The following ATP10A variants were observed in gnomAD, a reference collection of about 807,000 sequenced individuals.
The protein encoded by ATP10A is ATPase phospholipid transporting 10A (putative).
A neutral mutation model predicts 147.8 loss-of-function variants in ATP10A; 111 were observed. The ratio of observed to expected loss-of-function variants is 0.75; its 90% CI spans 0.64 to 0.88. ATP10A has a LOEUF of 0.88. ATP10A is among the 40% of genes least tolerant of loss of function. The pLI is 0.00. For synonymous variants in ATP10A, 875 were observed against 841.6 expected (o/e 1.04, Z -0.69); for missense variants, 1,927 against 1,959.0 (o/e 0.98, Z 0.31).
chr15:25,864,851 C>T (rs1468853707), upstream of ATP10A, among the ~76,000 whole-genome samples: 4 of 152,170 alleles, frequency 2.6e-5, no homozygotes, highest in Non-Finnish European at 4.4e-5. Context: ...ACCTGGTGAC[C>T]CCCGAGGCCT....
At chr15:25,695,289 C>A in intron 13 of ATP10A, 143 bp from the exon 14 acceptor site, 1 of 755,100 alleles carries the variant, frequency 1.3e-6, no homozygotes, top group Non-Finnish European at 2.1e-6. Flanking sequence ...CCTCCAGAAA[C>A]TGTGAAGTTC....
At chr15:25,754,728 T>C (rs1334318973) in intron 2 of ATP10A, among the ~76,000 whole-genome samples, 4 of 152,182 alleles carry the variant, frequency 2.6e-5, no homozygotes, top group African/African-American at 9.7e-5. Flanking sequence ...GCCTTTTTCA[T>C]GTATATTTGG....
intron 1 of ATP10A, among the ~76,000 whole-genome samples, chr15:25,787,052 C>T (rs898889886): frequency 6.6e-6 from 1 of 151,984 alleles, no homozygotes; most frequent in African/African-American, 2.4e-5. Flanking sequence ...AACCCTCCCA[C>T]GATCCTGACA....
chr15:25,728,520 A>C (rs1433145467), intron 3 of ATP10A, among the ~76,000 whole-genome samples: 1 of 152,156 alleles, frequency 6.6e-6, no homozygotes, highest in Non-Finnish European at 1.5e-5. Context: ...GGCAGGTATG[A>C]GATATCCTTA....
intron 2 of ATP10A, among the ~76,000 whole-genome samples, chr15:25,759,949 G>A (rs1056855985): frequency 2.0e-5 from 3 of 150,374 alleles, no homozygotes; most frequent in African/African-American, 7.3e-5. Context: ...AGTGATCTGT[G>A]TTCCTATCTG....
At chr15:25,697,507 A>G (rs1900405023) in intron 13 of ATP10A, among the ~76,000 whole-genome samples, 1 of 152,232 alleles carries the variant, frequency 6.6e-6, no homozygotes, top group Admixed American at 6.5e-5. Flanking sequence ...AAGAAAGACG[A>G]AAACAGCCAT....
At chr15:25,860,764 G>C (rs893070304) in intron 1 of ATP10A, among the ~76,000 whole-genome samples, 1 of 152,188 alleles carries the variant, frequency 6.6e-6, no homozygotes, top group Non-Finnish European at 1.5e-5. Flanking sequence ...ATAGCTTTTA[G>C]ATCCCAACCT....
intron 1 of ATP10A, among the ~76,000 whole-genome samples, chr15:25,804,847 G>T (rs575667296): frequency 3.3e-5 from 5 of 152,148 alleles, no homozygotes; most frequent in Non-Finnish European, 5.9e-5. Flanking sequence ...TGAAAAAATT[G>T]ATATGAAAGT....
intron 2 of ATP10A, among the ~76,000 whole-genome samples, chr15:25,738,800 C>G (rs1887426308): frequency 6.6e-6 from 1 of 152,172 alleles, no homozygotes; most frequent in South Asian, 2.1e-4. Context: ...TTGCCAAATG[C>G]CAGGCATTGT....
intron 9 of ATP10A, among the ~76,000 whole-genome samples, chr15:25,715,630 C>A (rs1436613008): frequency 6.6e-6 from 1 of 152,252 alleles, no homozygotes; most frequent in Non-Finnish European, 1.5e-5. Context: ...ACTGCAGCTT[C>A]GGGAAGCAGC....
intron 1 of ATP10A, among the ~76,000 whole-genome samples, chr15:25,807,374 G>T (rs543043109): frequency 6.6e-6 from 1 of 152,242 alleles, no homozygotes; most frequent in Non-Finnish European, 1.5e-5. Flanking sequence ...AGCCACAGGG[G>T]CCTCAAGATA....
chr15:25,722,372 CAACA>C lies in ATP10A; in HGVS notation c.1111-467_1111-464del, dbSNP rs575845707. Among the ~76,000 whole-genome samples, 10 of 152,338 alleles carry C rather than the reference CAACA, an allele frequency of 6.6e-5. No homozygotes were observed. The South Asian group carries it at 2.1e-3, about 32-fold the overall frequency. ...CCAAGTTCAGGGGGCAGTGCAAACA[CAACA>C]GACAGTCTTTTTTCAGATGCTGGCC... On this transcript the variant is annotated intron_variant, in intron 6 of 20. Coordinates refer to ENST00000555815, the MANE Select transcript of ATP10A (RefSeq NM_024490.4).
At chr15:25,777,506 C>T (rs1889672339) in intron 2 of ATP10A, among the ~76,000 whole-genome samples, 1 of 152,134 alleles carries the variant, frequency 6.6e-6, no homozygotes, top group Non-Finnish European at 1.5e-5. Context: ...GCTGTGCCCC[C>T]TGCCATGGTT....
At chr15:25,781,952 C>G (rs1889946182) in intron 1 of ATP10A, among the ~76,000 whole-genome samples, 1 of 152,154 alleles carries the variant, frequency 6.6e-6, no homozygotes, top group African/African-American at 2.4e-5. Flanking sequence ...ATGACCATTC[C>G]TAGGTCTACA....
chr15:25,814,915 C>A (rs1250658365), intron 1 of ATP10A, among the ~76,000 whole-genome samples: 1 of 152,150 alleles, frequency 6.6e-6, no homozygotes, highest in Non-Finnish European at 1.5e-5. Context: ...TGAGAAAATG[C>A]ACAAACACAT....
intron 2 of ATP10A, among the ~76,000 whole-genome samples, chr15:25,777,100 T>C (rs1271663763): frequency 2.0e-5 from 3 of 151,396 alleles, no homozygotes; most frequent in African/African-American, 7.3e-5. Context: ...TACGTGCGTG[T>C]GTGTGTGTGT....
chr15:25,791,182 C>T (rs1456723916), intron 1 of ATP10A, among the ~76,000 whole-genome samples: 1 of 151,128 alleles, frequency 6.6e-6, no homozygotes, highest in African/African-American at 2.4e-5. Context: ...CTGGGTTCAG[C>T]AATTCTCCTG....
chr15:25,800,841 GTTTAAC>G (rs1398056119), intron 1 of ATP10A, among the ~76,000 whole-genome samples: 3 of 151,862 alleles, frequency 2.0e-5, no homozygotes, highest in Admixed American at 1.3e-4. Context: ...TTATTTTTTG[GTTTAAC>G]TTTATTACCA....
chr15:25,821,364 C>G (rs1158449526), intron 1 of ATP10A, among the ~76,000 whole-genome samples: 2 of 151,172 alleles, frequency 1.3e-5, no homozygotes, highest in Admixed American at 6.6e-5. Context: ...GCACTCCAGC[C>G]TGGGTGACAG....
Sources: allele counts gnomAD v4.1 joint callset (sites outside exome capture counted in the v4.1 genomes callset), GRCh38; gene constraint gnomAD v4.1.1; transcripts MANE v1.5; gene names NCBI Gene and HGNC (gene_info 2026-07-23, HGNC 2026-07-21).